Variants in UBE3C observed in about 807,000 individuals in gnomAD.
UBE3C encodes the protein ubiquitin protein ligase E3C, also known as ubiquitin-protein ligase E3C.
Under a neutral mutation model 129.4 loss-of-function variants are expected in UBE3C, and 42 were observed. The ratio of observed to expected loss-of-function variants is 0.32; its 90% CI spans 0.25 to 0.42. The LOEUF is 0.42. UBE3C is among the 10% of genes least tolerant of loss of function. The pLI is 1.00. For synonymous variants in UBE3C, 510 were observed against 492.4 expected (o/e 1.04, Z -0.47); for missense variants, 1,049 against 1,319.1 (o/e 0.80, Z 3.17).
chr7:157,140,062 T>C, intron 1 of UBE3C: 2 of 984,396 alleles, frequency 2.0e-6, no homozygotes, highest in Non-Finnish European at 2.4e-6. Context: ...ACGCCTCTGT[T>C]CTAGTCTAGA....
At chr7:157,150,948 T>A (rs1323454752) in intron 1 of UBE3C, among the ~76,000 whole-genome samples, 1 of 152,230 alleles carries the variant, frequency 6.6e-6, no homozygotes, top group Non-Finnish European at 1.5e-5. Flanking sequence ...TGCTGGCCGT[T>A]GGCAGGAGAG....
At chr7:157,225,624 G>T in intron 17 of UBE3C, 85 bp downstream of exon 17, 4 of 1,412,542 alleles carry the variant, frequency 2.8e-6, no homozygotes, top group Non-Finnish European at 2.8e-6. Flanking sequence ...AAAAATTAGT[G>T]TCCATCATCT....
intron 10 of UBE3C, among the ~76,000 whole-genome samples, chr7:157,187,583 T>G: frequency 6.9e-6 from 1 of 145,474 alleles, no homozygotes; most frequent in Non-Finnish European, 1.5e-5. Flanking sequence ...GTTTGTTTTT[T>G]GTTTTTTTTT....
At chr7:157,225,329 G>T in intron 16 of UBE3C, 78 bp from the exon 17 acceptor site, 2 of 1,498,784 alleles carry the variant, frequency 1.3e-6, no homozygotes, top group Non-Finnish European at 8.9e-7. Flanking sequence ...CAAAAGATAA[G>T]ATTTAGCAGT....
intron 1 of UBE3C, among the ~76,000 whole-genome samples, chr7:157,155,592 T>C (rs1334173880): frequency 2.0e-5 from 3 of 152,242 alleles, no homozygotes; most frequent in African/African-American, 7.2e-5. Flanking sequence ...TAATGAAATC[T>C]GATTTAAACT....
At chr7:157,183,438 CT>C (rs1808722757) in intron 8 of UBE3C, among the ~76,000 whole-genome samples, 1 of 152,196 alleles carries the variant, frequency 6.6e-6, no homozygotes, top group African/African-American at 2.4e-5. Context: ...CGGCACCTCC[CT>C]GTGTTGAGCT....
chr7:157,163,405 A>G (rs1265490965), intron 1 of UBE3C, among the ~76,000 whole-genome samples: 1 of 150,506 alleles, frequency 6.6e-6, no homozygotes, highest in Non-Finnish European at 1.5e-5. Context: ...AAAAAAAAAA[A>G]GGAAAGAAAT....
intron 22 of UBE3C, among the ~76,000 whole-genome samples, chr7:157,264,694 G>A (rs535259166): frequency 5.3e-5 from 8 of 152,032 alleles, no homozygotes; most frequent in Non-Finnish European, 1.2e-4. Context: ...TCAGCCTCCC[G>A]AGTAATTGGA....
chr7:157,157,284 GACT>G (rs1292464073), intron 1 of UBE3C, among the ~76,000 whole-genome samples: 6 of 152,232 alleles, frequency 3.9e-5, no homozygotes, highest in African/African-American at 7.2e-5. Flanking sequence ...CGAGAAATTT[GACT>G]ACATTAAGAA....
At chr7:157,254,353 G>A in intron 21 of UBE3C, 43 bp downstream of exon 21, 2 of 1,231,690 alleles carry the variant, frequency 1.6e-6, no homozygotes, top group Non-Finnish European at 2.2e-6. Context: ...AATGTTGCAG[G>A]TGGTCATATT....
chr7:157,139,279 A>T lies in UBE3C; in HGVS notation c.7A>T (p.Ser3Cys). 2.5e-6 allele frequency: 4 copies of T among 1,579,248 alleles called. No homozygotes were observed. Among genetic ancestry groups the T allele is most frequent in the Non-Finnish European group, 2.6e-6 (3 of 1,169,636 alleles). MF[S>C]FEGDFKTRPK... The stretch of plus-strand genomic sequence containing the variant: ...CATGGGCTAGGCTGCCAGGATGTTC[A>T]GCTTCGAAGGCGACTTCAAGACGCG... The change falls in exon 1 of 23, where the codon AGC (serine) becomes TGC (cysteine). Residue 3 changes from serine (S) to cysteine (C), a missense_variant. This residue lies in a region of UBE3C where 489 missense variants were observed against 513.8 expected (regional missense o/e 0.95). Coordinates refer to ENST00000348165, the MANE Select transcript of UBE3C (RefSeq NM_014671.3).
intron 22 of UBE3C, among the ~76,000 whole-genome samples, chr7:157,265,335 A>G (rs910138200): frequency 6.6e-6 from 1 of 152,252 alleles, no homozygotes; most frequent in Non-Finnish European, 1.5e-5. Flanking sequence ...AAGAGAACAC[A>G]TAAATCACGT....
At chr7:157,233,385 C>T (rs1211405988) in intron 18 of UBE3C, among the ~76,000 whole-genome samples, 2 of 151,948 alleles carry the variant, frequency 1.3e-5, no homozygotes, top group African/African-American at 4.8e-5. Context: ...TTAAGGAGGC[C>T]TCCTGCTTTC....
rs1416752744 is a variant in UBE3C at position 157,171,682 on chromosome 7, ATATATTTTTTTTTTTTTTTT to A, written c.342+1234_342+1253del. ...ATTTTATATATATATATATATATAT[ATATATTTTTTTTTTTTTTTT>A]TTTTTTTTTTTTTTTTTTTTTTGAG... On this transcript the variant is annotated intron_variant, in intron 4 of 22. Coordinates refer to ENST00000348165, the MANE Select transcript of UBE3C (RefSeq NM_014671.3). Among the ~76,000 whole-genome samples, 168 of 44,912 alleles carry A rather than the reference ATATATTTTTTTTTTTTTTTT, an allele frequency of 3.7e-3. 6 individuals carry two copies. The East Asian group carries it at 0.039, about 11-fold the overall frequency. The allele number at this position is 44,912 out of a possible 152,430, so 29.5% of individuals were successfully genotyped here.
chr7:157,169,770 C>CTGGG (rs902776057), intron 3 of UBE3C, among the ~76,000 whole-genome samples: 2 of 152,050 alleles, frequency 1.3e-5, no homozygotes, highest in African/African-American at 4.8e-5. Flanking sequence ...CAAGCTCTGC[C>CTGGG]CCCAGGTTCA....
chr7:157,151,429 G>A (rs1807754831), intron 1 of UBE3C, among the ~76,000 whole-genome samples: 1 of 152,196 alleles, frequency 6.6e-6, no homozygotes, highest in African/African-American at 2.4e-5. Context: ...CTTTGGAAAT[G>A]TAACAAAGAA....
In UBE3C at chr7:157,181,648, C is replaced by G; in HGVS notation, c.747C>G (p.Tyr249Ter). ...TTCTAAAACCATTGCACTTTACTTA[C>G]AACTCCTGTCCGGAAGGTGCGAGGT... is the stretch of plus-strand genomic sequence containing the variant. Reference protein sequence around the residue: ...ENVLKPLHFTYNSCPEGARQQ... With the variant: ...ENVLKPLHFT The change falls in exon 7 of 23, where the codon TAC becomes TAG. Residue 249 changes from tyrosine (Y) to a stop codon, truncating the protein, a stop_gained. Coordinates refer to ENST00000348165, the MANE Select transcript of UBE3C (RefSeq NM_014671.3). LOFTEE classifies it high-confidence loss of function. 6.2e-7 allele frequency: 1 copy of G among 1,613,660 alleles called. No individual in the cohort carries two copies. The highest frequency in any genetic ancestry group is 8.5e-7 in the Non-Finnish European group (1 of 1,179,874).
intron 21 of UBE3C, among the ~76,000 whole-genome samples, chr7:157,256,394 G>A (rs141891444): frequency 6.6e-6 from 1 of 151,888 alleles, no homozygotes; most frequent in Non-Finnish European, 1.5e-5. Flanking sequence ...CCGCCAGCCC[G>A]GGCCTCCCAA....
intron 20 of UBE3C, 30 bp downstream of exon 20, chr7:157,254,172 G>A (rs1438918250): frequency 1.4e-5 from 22 of 1,609,720 alleles, no homozygotes; most frequent in African/African-American, 4.0e-5. Context: ...TCTGGGACAC[G>A]CTTGTCACAG....
Sources: allele counts gnomAD v4.1 joint callset (sites outside exome capture counted in the v4.1 genomes callset), GRCh38; gene constraint gnomAD v4.1.1; regional missense constraint gnomAD v4.1.1; transcripts MANE v1.5; gene names NCBI Gene and HGNC (gene_info 2026-07-23, HGNC 2026-07-21).